Variants in MAP4 observed in about 807,000 individuals in gnomAD.
MAP4 encodes the protein microtubule-associated protein 4.
Under a neutral mutation model 170.2 loss-of-function variants are expected in MAP4, and 76 were observed. The ratio of observed to expected loss-of-function variants is 0.45; its 90% CI spans 0.37 to 0.54. The LOEUF is 0.54. MAP4 is among the 20% of genes least tolerant of loss of function. MAP4 has a pLI of 0.00. For missense variants in MAP4, 2,506 were observed against 2,748.0 expected (o/e 0.91, Z 1.97); for synonymous variants, 909 against 994.5 (o/e 0.91, Z 1.62).
intron 2 of MAP4, among the ~76,000 whole-genome samples, chr3:47,983,132 C>T (rs889293604): frequency 9.2e-5 from 14 of 152,026 alleles, no homozygotes; most frequent in Admixed American, 7.9e-4. Context: ...GTCAAACTCC[C>T]GACCTCAAGT....
chr3:47,975,568 C>T, intron 3 of MAP4: 1 of 769,018 alleles, frequency 1.3e-6, no homozygotes, highest in South Asian at 1.5e-5. Context: ...TCACAAGATG[C>T]TCATAAACCA....
Position 47,927,073 on chromosome 3 carries a change from C to T in MAP4, c.415+1155G>A, listed in dbSNP as rs531184224. Among the ~76,000 whole-genome samples the T allele has an allele frequency of 8.0e-5, 12 of 150,892 alleles. No homozygotes were observed. The East Asian group carries it at 2.2e-3, about 27-fold the overall frequency. The stretch of plus-strand genomic sequence containing the variant: ...ATATGGGAGGCTGAGGCAGGAGAAT[C>T]GCTTGAACTCAGGAGGCAGAGGTTG... On this transcript the variant is annotated intron_variant, in intron 4 of 20. Coordinates refer to ENST00000683076, the MANE Select transcript of MAP4 (RefSeq NM_001385682.1).
chr3:48,055,877 GCGCCTC>G (rs2100130926), intron 1 of MAP4, among the ~76,000 whole-genome samples: 1 of 105,854 alleles, frequency 9.4e-6, no homozygotes, highest in Non-Finnish European at 2.2e-5. Context: ...GATGTGAGGA[GCGCCTC>G]TGCCCGGCCG....
At chr3:48,058,384 A>G (rs184185249) in intron 1 of MAP4, among the ~76,000 whole-genome samples, 101 of 152,372 alleles carry the variant, frequency 6.6e-4, no homozygotes, top group Non-Finnish European at 1.4e-3. Context: ...TTAGAAACCA[A>G]GTAGCACACA....
chr3:47,898,988 G>A (rs1464991855), intron 10 of MAP4, among the ~76,000 whole-genome samples: 1 of 152,066 alleles, frequency 6.6e-6, no homozygotes, highest in Non-Finnish European at 1.5e-5. Flanking sequence ...AGAACACCCT[G>A]AGAATGGCCA....
chr3:48,009,762 C>T (rs1010360564), intron 1 of MAP4, among the ~76,000 whole-genome samples: 1 of 152,132 alleles, frequency 6.6e-6, no homozygotes, highest in Admixed American at 6.6e-5. Context: ...TCACCATCAC[C>T]CCTAGTGATC....
Position 47,855,184 on chromosome 3 carries a change from C to T in MAP4, c.6696+64G>A. Reference sequence around the variant, plus strand: ...TGACAGGTGCCTACCTGTGAGGACCCTGACCCTAACTGCATAGTTCCCACC... The same window carrying T: ...TGACAGGTGCCTACCTGTGAGGACCTTGACCCTAACTGCATAGTTCCCACC... On this transcript the variant is annotated intron_variant, in intron 19 of 20. Coordinates refer to ENST00000683076, the MANE Select transcript of MAP4 (RefSeq NM_001385682.1). This position sits in a 1 kb window ranked among gnomAD's most constrained non-coding sequence, Gnocchi z 5.1. 1 of 1,169,880 alleles carries T rather than the reference C, an allele frequency of 8.5e-7. No homozygotes were observed. The highest frequency in any genetic ancestry group is 1.9e-4 in the Middle Eastern group (1 of 5,162). 72.5% of individuals were successfully genotyped at this position (1,169,880 alleles called of 1,614,324 possible).
At chr3:47,994,527 A>G (rs990766155) in intron 2 of MAP4, among the ~76,000 whole-genome samples, 1 of 152,216 alleles carries the variant, frequency 6.6e-6, no homozygotes, top group Non-Finnish European at 1.5e-5. Context: ...GTGGATAAGG[A>G]CAGTGAGGTG....
At chr3:47,959,616 G>A (rs986219130) in intron 3 of MAP4, among the ~76,000 whole-genome samples, 10 of 151,680 alleles carry the variant, frequency 6.6e-5, no homozygotes, top group African/African-American at 2.2e-4. Flanking sequence ...GAAATTAGCC[G>A]GACGTGGTGG....
chr3:47,978,669 TCATTG>T (rs2100083623), intron 2 of MAP4, among the ~76,000 whole-genome samples: 1 of 151,804 alleles, frequency 6.6e-6, no homozygotes, highest in South Asian at 2.1e-4. Flanking sequence ...CAGGGTACCA[TCATTG>T]CTTCTGGATG....
intron 19 of MAP4, among the ~76,000 whole-genome samples, chr3:47,854,856 C>G (rs1196331931): frequency 6.6e-6 from 1 of 151,950 alleles, no homozygotes; most frequent in East Asian, 1.9e-4. Context: ...GGAGCGGAGC[C>G]TGACATGGGG....
intron 3 of MAP4, among the ~76,000 whole-genome samples, chr3:47,968,330 G>A (rs1027894670): frequency 2.0e-5 from 3 of 152,136 alleles, no homozygotes; most frequent in Admixed American, 1.3e-4. Flanking sequence ...TTCTTCTTCA[G>A]GACAGACCAT....
Position 47,958,872 on chromosome 3 carries a change from C to T in MAP4, c.292+18993G>A, listed in dbSNP as rs373251086. ...CTAATTTTTGTATTTTTAGTAGAGA[C>T]GGGGTTTCACCATGTTGGCCAGGAT... On this transcript the variant is annotated intron_variant, in intron 3 of 20. Transcript: ENST00000683076. Among the ~76,000 whole-genome samples the T allele has an allele frequency of 1.3e-4, 19 of 151,994 alleles. No individual in the cohort carries two copies. The East Asian group carries it at 2.7e-3, about 22-fold the overall frequency.
intron 3 of MAP4, among the ~76,000 whole-genome samples, chr3:47,955,990 A>T: frequency 6.6e-6 from 1 of 152,140 alleles, no homozygotes; most frequent in East Asian, 1.9e-4. Context: ...TTTTGCAGAA[A>T]ATTATTCACC....
chr3:47,980,049 T>G (rs1234358395), intron 2 of MAP4, among the ~76,000 whole-genome samples: 1 of 152,004 alleles, frequency 6.6e-6, no homozygotes, highest in East Asian at 1.9e-4. Flanking sequence ...CCCAGACTGC[T>G]CTCAAACTCC....
Position 47,997,648 on chromosome 3 carries a change from T to A in MAP4, c.223+990A>T, listed in dbSNP as rs919304308. Among the ~76,000 whole-genome samples the A allele has an allele frequency of 2.7e-5, 4 of 150,718 alleles. No homozygotes were observed. The East Asian group carries it at 5.9e-4, about 22-fold the overall frequency. On this transcript the variant is annotated intron_variant, in intron 2 of 20. Coordinates refer to ENST00000683076, the MANE Select transcript of MAP4 (RefSeq NM_001385682.1). ...AAAACAGAAAGACAATAGAAAAAAA[T>A]TAATGAAACCAAAAGCTGGATCTTT...
Position 47,928,308 on chromosome 3 carries a change from T to C in MAP4, c.335A>G (p.Glu112Gly), listed in dbSNP as rs1193388281. The C allele has an allele frequency of 3.1e-6, 5 of 1,614,042 alleles. No individual in the cohort carries two copies. Among genetic ancestry groups the C allele is most frequent in the African/African-American group, 2.7e-5 (2 of 74,940 alleles). ...TGGCCAGTTCTGGCTATTTGGGTATTCCTGGTAGGCCATTTTCTCTTCAAG... is the reference window on the plus strand; with the variant it reads ...TGGCCAGTTCTGGCTATTTGGGTATCCCTGGTAGGCCATTTTCTCTTCAAG... ...EFLEEKMAYQ[E>G]YPNSQNWPED... The change falls in exon 4 of 21, where the codon GAA becomes GGA. Residue 112 changes from glutamate to glycine, a missense_variant. Glu to Gly is a moderately conservative substitution (Grantham distance 98). Transcript: ENST00000683076.
At chr3:47,972,885 CAAAAAAA>C (rs551078890) in intron 3 of MAP4, among the ~76,000 whole-genome samples, 3 of 90,782 alleles carry the variant, frequency 3.3e-5, no homozygotes, top group African/African-American at 1.3e-4. Context: ...GACTCCGTCT[CAAAAAAA>C]AAAAAGAAAA....
At position 47,915,799 on chromosome 3, in the gene MAP4, G is replaced by A. The variant is rs76370148; in HGVS notation, c.1876+152C>T. The A allele has an allele frequency of 3.8e-3, 2,896 of 762,460 alleles. 59 individuals are homozygous for A. The African/African-American group carries it at 0.044, about 12-fold the overall frequency. The allele number at this position is 762,460 out of a possible 1,614,324, so 47.2% of individuals were successfully genotyped here. On this transcript the variant is annotated intron_variant, in intron 7 of 20. Transcript: ENST00000683076. ...TTGGAGGTGGGAGGAGGGTAAAGGC[G>A]GGAAAGAGTTGTCTAGGAGAGCAGG...
Sources: allele counts gnomAD v4.1 joint callset (sites outside exome capture counted in the v4.1 genomes callset), GRCh38; gene constraint gnomAD v4.1.1; non-coding constraint Gnocchi (gnomAD v3.1); transcripts MANE v1.5; gene names NCBI Gene and HGNC (gene_info 2026-07-23, HGNC 2026-07-21).